Variants in KPNA3 observed in about 807,000 individuals in gnomAD.
The protein encoded by KPNA3 is importin subunit alpha-4.
In KPNA3, 13 loss-of-function variants were observed where a neutral mutation model predicts 73.8. The observed-to-expected ratio is 0.18, with a 90% CI of 0.11 to 0.28. The LOEUF is 0.28. Among genes scored for constraint, KPNA3 ranks in the 10% least tolerant of loss-of-function variants. KPNA3 has a pLI of 1.00. For synonymous variants in KPNA3, 186 were observed against 206.9 expected (o/e 0.90, Z 0.87); for missense variants, 360 against 618.1 (o/e 0.58, Z 4.43).
At chr13:49,768,755 T>C (rs1261253112) in intron 1 of KPNA3, among the ~76,000 whole-genome samples, 3 of 152,142 alleles carry the variant, frequency 2.0e-5, no homozygotes, top group Non-Finnish European at 4.4e-5. Flanking sequence ...GTGCCACACA[T>C]ACATGTACTA....
intron 1 of KPNA3, among the ~76,000 whole-genome samples, chr13:49,758,711 T>C (rs1421185763): frequency 1.3e-5 from 2 of 151,960 alleles, no homozygotes; most frequent in Non-Finnish European, 2.9e-5. Flanking sequence ...TGTGTGTATG[T>C]ATGTATATAA....
chr13:49,725,690 C>G (rs7317048), intron 6 of KPNA3, among the ~76,000 whole-genome samples, 189 bp from the exon 7 acceptor site: 2 of 151,078 alleles, frequency 1.3e-5, no homozygotes, highest in African/African-American at 4.9e-5. Flanking sequence ...ATCACCCAGG[C>G]GGGAGTGCAG....
At chr13:49,788,507 C>G (rs1340142680) in intron 1 of KPNA3, among the ~76,000 whole-genome samples, 3 of 152,048 alleles carry the variant, frequency 2.0e-5, no homozygotes, top group African/African-American at 7.2e-5. Flanking sequence ...ATAACTTGAG[C>G]TAGCAGTTTG....
Position 49,702,980 on chromosome 13 carries a change from C to T in KPNA3, c.1373-500G>A, listed in dbSNP as rs571845160. Among the ~76,000 whole-genome samples the T allele has an allele frequency of 2.6e-4, 40 of 151,804 alleles. No individual in the cohort carries two copies. In the South Asian group the frequency reaches 7.5e-3, roughly 28 times the overall value. Reference sequence around the variant, plus strand: ...GCCTCCTGGGTTCATGCCATTCTCCCGCCTAAGCCTCCCAAGTAGCTGGGA... The same window carrying T: ...GCCTCCTGGGTTCATGCCATTCTCCTGCCTAAGCCTCCCAAGTAGCTGGGA... On this transcript the variant is annotated intron_variant, in intron 15 of 16. Transcript: ENST00000261667.
At chr13:49,713,483 T>C (rs1345623218) in intron 10 of KPNA3, among the ~76,000 whole-genome samples, 1 of 152,124 alleles carries the variant, frequency 6.6e-6, no homozygotes, top group African/African-American at 2.4e-5. Context: ...AATATCATAT[T>C]AGGTTCAAAG....
intron 7 of KPNA3, 85 bp from the exon 8 acceptor site, chr13:49,722,648 C>T (rs1282941702): frequency 5.1e-6 from 4 of 781,586 alleles, no homozygotes; most frequent in East Asian, 2.7e-5. Context: ...ATCAAATACA[C>T]AGCCTGGCAT....
chr13:49,753,974 G>T (rs1165884604), intron 1 of KPNA3, among the ~76,000 whole-genome samples: 1 of 152,184 alleles, frequency 6.6e-6, no homozygotes, highest in Non-Finnish European at 1.5e-5. Context: ...ACACAAAATT[G>T]AAAGGAAGAC....
At chr13:49,734,597 G>A (rs1296998766) in intron 2 of KPNA3, among the ~76,000 whole-genome samples, 4 of 152,174 alleles carry the variant, frequency 2.6e-5, no homozygotes, top group African/African-American at 9.7e-5. Flanking sequence ...AGATCTAATA[G>A]TTCTGTGGTG....
chr13:49,720,742 A>AT (rs936133482), intron 9 of KPNA3, among the ~76,000 whole-genome samples: 1 of 151,828 alleles, frequency 6.6e-6, no homozygotes, highest in African/African-American at 2.4e-5. Context: ...AAAAAAAAAA[A>AT]AAAAAAAGAG....
At position 49,705,741 on chromosome 13, in the gene KPNA3, T is replaced by A. The variant is rs1185176995; in HGVS notation, c.1252A>T (p.Asn418Tyr). ...TGAGAATCTTTCACTGACAGTAAATTACAGAACGGTGGTATTACATTCTGC... is the reference window on the plus strand; with the variant it reads ...TGAGAATCTTTCACTGACAGTAAATAACAGAACGGTGGTATTACATTCTGC... ...VQQNVIPPFC[N>Y]LLSVKDSQVV... The change falls in exon 15 of 17, where the codon AAT (asparagine) becomes TAT (tyrosine). Residue 418 changes from asparagine to tyrosine, a missense_variant. By Grantham distance (143) the Asn-to-Tyr change is moderately radical. This residue lies in a region of KPNA3 where 287 missense variants were observed against 549.1 expected (regional missense o/e 0.52). Coordinates refer to ENST00000261667, the MANE Select transcript of KPNA3 (RefSeq NM_002267.4). 1 of 1,613,794 alleles carries A rather than the reference T, an allele frequency of 6.2e-7. No homozygotes were observed. Among genetic ancestry groups the A allele is most frequent in the Non-Finnish European group, 8.5e-7 (1 of 1,179,816 alleles).
chr13:49,729,226 A>G (rs1317270502), intron 6 of KPNA3, among the ~76,000 whole-genome samples: 2 of 152,212 alleles, frequency 1.3e-5, no homozygotes, highest in East Asian at 1.9e-4. Flanking sequence ...GGCAGGAAAT[A>G]AGATGGTATA....
At chr13:49,730,973 G>A (rs1158859235) in intron 6 of KPNA3, among the ~76,000 whole-genome samples, 2 of 151,040 alleles carry the variant, frequency 1.3e-5, no homozygotes, top group Non-Finnish European at 2.9e-5. Flanking sequence ...ATAGAGACAG[G>A]GTTTCACCAC....
intron 1 of KPNA3, among the ~76,000 whole-genome samples, chr13:49,748,892 T>C (rs1371162595): frequency 1.3e-5 from 2 of 152,178 alleles, no homozygotes; most frequent in Non-Finnish European, 2.9e-5. Flanking sequence ...TTGAACAATC[T>C]TCAAATACCA....
chr13:49,764,041 T>C (rs1203608225), intron 1 of KPNA3, among the ~76,000 whole-genome samples: 1 of 130,824 alleles, frequency 7.6e-6, no homozygotes, highest in Admixed American at 8.7e-5. Context: ...CACTCCAGCC[T>C]GGGTAACAGA....
Position 49,701,884 on chromosome 13 carries a change from G to A in KPNA3, c.1482C>T (p.Pro494=). Residue 494 remains proline, a synonymous_variant, in exon 17 of 17, where the codon CCC becomes CCT. Transcript: ENST00000261667. ...CTTGTGTTGCTTCAGGAATGAGGCAGGGATCTTCATCAATCTGTAAAAAAC... is the reference window on the plus strand; with the variant it reads ...CTTGTGTTGCTTCAGGAATGAGGCAAGGATCTTCATCAATCTGTAAAAAAC... The part of the protein sequence containing the change: ...YFSGDDIDED[P]CLIPEATQGG... 6.2e-7 allele frequency: 1 copy of A among 1,610,166 alleles called. No homozygotes were observed. The highest frequency in any genetic ancestry group is 8.5e-7 in the Non-Finnish European group (1 of 1,176,440).
chr13:49,722,603 T>C lies in KPNA3; in HGVS notation c.470-40A>G, dbSNP rs762570412. The C allele has an allele frequency of 8.1e-5, 103 of 1,265,604 alleles. 2 individuals carry two copies. Among genetic ancestry groups the C allele is most frequent in the Non-Finnish European group, 2.4e-5 (21 of 879,742 alleles). 78.4% of individuals were successfully genotyped at this position (1,265,604 alleles called of 1,614,324 possible). A position where few individuals can be genotyped will look rare whatever the true frequency, so the allele number is the denominator to read the frequency against. On this transcript the variant is annotated intron_variant, in intron 7 of 16. Coordinates refer to ENST00000261667, the MANE Select transcript of KPNA3 (RefSeq NM_002267.4). Reference sequence around the variant, plus strand: ...AACTAATATTTATACTAGCAACATGTTGAAGAGTTTACAGATTTCAGATCA... The same window carrying C: ...AACTAATATTTATACTAGCAACATGCTGAAGAGTTTACAGATTTCAGATCA...
At chr13:49,736,480 C>G (rs1021944726) in intron 2 of KPNA3, among the ~76,000 whole-genome samples, 16 of 152,094 alleles carry the variant, frequency 1.1e-4, no homozygotes, top group Non-Finnish European at 2.1e-4. Flanking sequence ...TTTTTCGATA[C>G]TAACTTAGAC....
At chr13:49,711,785 C>T (rs1954262467) in intron 10 of KPNA3, among the ~76,000 whole-genome samples, 1 of 152,134 alleles carries the variant, frequency 6.6e-6, no homozygotes, top group African/African-American at 2.4e-5. Context: ...AAATTGAAGA[C>T]ATCACATCTT....
chr13:49,707,318 A>C (rs1199009663), intron 12 of KPNA3, among the ~76,000 whole-genome samples: 1 of 152,180 alleles, frequency 6.6e-6, no homozygotes, highest in Non-Finnish European at 1.5e-5. Flanking sequence ...TTGCCATCCA[A>C]CTGTGGTAAG....
Sources: gnomAD v4.1 joint callset for allele counts (sites outside exome capture counted in the v4.1 genomes callset) on GRCh38, gnomAD v4.1.1 for gene constraint, gnomAD v4.1.1 regional missense constraint, MANE v1.5 for transcripts, NCBI Gene and HGNC (gene_info 2026-07-23, HGNC 2026-07-21) for gene names.